The following FNIP2 variants were observed in gnomAD, a reference collection of about 807,000 sequenced individuals.
FNIP2 encodes the protein folliculin interacting protein 2, also known as folliculin-interacting protein 2.
FNIP2 carries 32 observed loss-of-function variants against 108.7 expected under a neutral mutation model. The observed-to-expected ratio is 0.29, with a 90% CI of 0.22 to 0.40. FNIP2 has a LOEUF of 0.40. FNIP2 is among the 10% of genes least tolerant of loss of function. FNIP2 has a pLI of 1.00. For missense variants in FNIP2, 1,202 were observed against 1,381.6 expected (o/e 0.87, Z 2.06); for synonymous variants, 480 against 496.7 (o/e 0.97, Z 0.45).
intron 13 of FNIP2, 119 bp from the exon 14 acceptor site, chr4:158,870,194 C>A: frequency 9.0e-7 from 1 of 1,113,518 alleles, no homozygotes; most frequent in Non-Finnish European, 1.3e-6. Flanking sequence ...GGGTTGGTGA[C>A]ATGGACCACC....
At chr4:158,876,343 A>C (rs1191712292) in intron 14 of FNIP2, among the ~76,000 whole-genome samples, 1 of 152,234 alleles carries the variant, frequency 6.6e-6, no homozygotes, top group East Asian at 1.9e-4. Context: ...ATTTTCTAAG[A>C]GACTAAACTG....
intron 6 of FNIP2, chr4:158,834,287 C>CT (rs1431592513): frequency 1.3e-4 from 1 of 7,840 alleles, no homozygotes; most frequent in Non-Finnish European, 4.5e-4. Flanking sequence ...GCATGGAAGA[C>CT]TTCTCTCTCT....
chr4:158,868,169 G>A lies in FNIP2; in HGVS notation c.1533G>A (p.Lys511=), dbSNP rs1780693132. The change falls in exon 13 of 17, where the codon AAG becomes AAA. Residue 511 remains lysine, a synonymous_variant. Transcript: ENST00000264433. This position sits in a 1 kb window ranked among gnomAD's most constrained non-coding sequence, Gnocchi z 4.6. ...LTRTVVVGKQ[K]DLVQRILYVL... is the part of the protein sequence containing the mutation. ...GCACCGTAGTGGTAGGGAAGCAGAAGGACTTAGTCCAGCGAATACTTTATG... is the reference window on the plus strand; with the variant it reads ...GCACCGTAGTGGTAGGGAAGCAGAAAGACTTAGTCCAGCGAATACTTTATG... 1.9e-6 allele frequency: 3 copies of A among 1,613,936 alleles called. No homozygotes were observed. Among genetic ancestry groups the A allele is most frequent in the Admixed American group, 1.7e-5 (1 of 60,012 alleles).
At chr4:158,834,022 A>C in intron 6 of FNIP2, 1 of 460,160 alleles carries the variant, frequency 2.2e-6, no homozygotes. Flanking sequence ...TTGGTTTCAA[A>C]TGCGGCCAAA....
At chr4:158,889,894 C>T in intron 14 of FNIP2, 1 of 984,718 alleles carries the variant, frequency 1.0e-6, no homozygotes, top group Non-Finnish European at 1.2e-6. Context: ...TGAACAAGAC[C>T]TTGGAGGAGC....
chr4:158,834,798 C>G (rs1778707866), intron 6 of FNIP2: 1 of 152,320 alleles, frequency 6.6e-6, no homozygotes, highest in Non-Finnish European at 1.5e-5. Context: ...ACAGTTCATG[C>G]CAGAACATGA....
chr4:158,877,589 A>G (rs1781355642), intron 14 of FNIP2, among the ~76,000 whole-genome samples: 1 of 152,212 alleles, frequency 6.6e-6, no homozygotes, highest in Admixed American at 6.5e-5. Context: ...TGTTAAAAAT[A>G]TGTTTGATGC....
chr4:158,904,405 A>ATACTT, intron 16 of FNIP2, 61 bp from the exon 17 acceptor site: 1 of 1,378,506 alleles, frequency 7.3e-7, no homozygotes, highest in South Asian at 1.2e-5. Flanking sequence ...AAAAGAAATA[A>ATACTT]TACTTTCTCA....
intron 15 of FNIP2, among the ~76,000 whole-genome samples, chr4:158,892,794 A>T (rs1028485963): frequency 1.3e-5 from 2 of 152,174 alleles, no homozygotes; most frequent in African/African-American, 2.4e-5. Context: ...AACATCTGTT[A>T]TCTGCTTCCT....
intron 1 of FNIP2, among the ~76,000 whole-genome samples, chr4:158,788,145 CATG>C (rs1403886145): frequency 2.6e-5 from 4 of 152,210 alleles, no homozygotes; most frequent in South Asian, 2.1e-4. Flanking sequence ...GTAACCACCT[CATG>C]GTGGTGGTAT....
At chr4:158,881,211 CTCTT>C (rs1293659950) in intron 14 of FNIP2, among the ~76,000 whole-genome samples, 8 of 150,454 alleles carry the variant, frequency 5.3e-5, no homozygotes, top group Non-Finnish European at 1.2e-4. Flanking sequence ...CCCTCTCCCT[CTCTT>C]TCCACGGTCT....
intron 14 of FNIP2, among the ~76,000 whole-genome samples, chr4:158,877,542 G>T (rs1414120433): frequency 6.6e-6 from 1 of 152,128 alleles, no homozygotes; most frequent in Non-Finnish European, 1.5e-5. Flanking sequence ...TTATGATAAG[G>T]CCATATGTGA....
intron 1 of FNIP2, 37 bp from the exon 2 acceptor site, chr4:158,825,879 A>C (rs1415953089): frequency 1.3e-6 from 2 of 1,591,238 alleles, no homozygotes; most frequent in South Asian, 2.2e-5. Context: ...CATGTGCTGC[A>C]GATAACATAA....
chr4:158,769,043 CCGG>C lies in FNIP2; in HGVS notation c.-165_-163del, dbSNP rs1403486429. On this transcript the variant is annotated 5_prime_UTR_variant, in exon 1 of 17. Transcript: ENST00000264433. Reference sequence around the variant, plus strand: ...GCCGGCTCAGTCATATGACCGGCAGCCGGCGGCTCCGGCGCCGAGCAGAGTTAC... The same window carrying C: ...GCCGGCTCAGTCATATGACCGGCAGCCGGCTCCGGCGCCGAGCAGAGTTAC... 2 of 149,828 alleles carry C rather than the reference CCGG, an allele frequency of 1.3e-5. No homozygotes were observed. Among genetic ancestry groups the C allele is most frequent in the Non-Finnish European group, 2.9e-5 (2 of 68,780 alleles). 9.3% of individuals were successfully genotyped at this position (149,828 alleles called of 1,614,324 possible).
chr4:158,893,578 T>C, intron 15 of FNIP2: 1 of 799,404 alleles, frequency 1.3e-6, no homozygotes, highest in South Asian at 2.0e-5. Context: ...AAGCGTACTC[T>C]TGCAAGACAT....
At chr4:158,816,396 G>A (rs1777569752) in intron 1 of FNIP2, among the ~76,000 whole-genome samples, 1 of 152,134 alleles carries the variant, frequency 6.6e-6, no homozygotes, top group Admixed American at 6.5e-5. Flanking sequence ...CTTGATGCAT[G>A]TTACCTTTTA....
chr4:158,846,692 G>C (rs1056997089), intron 7 of FNIP2, among the ~76,000 whole-genome samples: 2 of 152,158 alleles, frequency 1.3e-5, no homozygotes, highest in African/African-American at 4.8e-5. Context: ...CAAGAGAAAA[G>C]CGTAACAAAT....
At chr4:158,886,628 T>G (rs992985214) in intron 14 of FNIP2, among the ~76,000 whole-genome samples, 12 of 152,244 alleles carry the variant, frequency 7.9e-5, no homozygotes, top group African/African-American at 2.9e-4. Context: ...TAGGAGAATT[T>G]GATAAATTAT....
At chr4:158,892,535 C>T (rs76837870) in intron 15 of FNIP2, among the ~76,000 whole-genome samples, 129 of 152,020 alleles carry the variant, frequency 8.5e-4, no homozygotes, top group African/African-American at 2.9e-3. Flanking sequence ...TGCGTATGTG[C>T]AGAGAAATTG....
Sources: gnomAD v4.1 joint callset for allele counts (sites outside exome capture counted in the v4.1 genomes callset) on GRCh38, gnomAD v4.1.1 for gene constraint, Gnocchi (gnomAD v3.1) non-coding constraint, MANE v1.5 for transcripts, NCBI Gene and HGNC (gene_info 2026-07-23, HGNC 2026-07-21) for gene names.